COL8A1: variants seen among roughly 807,000 people sequenced by gnomAD.
The protein encoded by COL8A1 is collagen alpha-1(VIII) chain.
A neutral mutation model predicts 42.7 loss-of-function variants in COL8A1; 21 were observed. The observed-to-expected ratio is 0.49, with a 90% confidence interval of 0.35 to 0.71. The LOEUF (loss-of-function observed/expected upper bound fraction) is 0.71. Among genes scored for constraint, COL8A1 ranks in the 30% least tolerant of loss-of-function variants. COL8A1 has a pLI of 0.01. For synonymous variants in COL8A1, 367 were observed against 369.1 expected, an observed-to-expected ratio of 0.99 and a Z score of 0.06; for missense variants, 788 against 962.4, an observed-to-expected ratio of 0.82 and a Z score of 2.40.
chr3:99,730,960 T>C (rs893494084), intron 1 of COL8A1, among the ~76,000 whole-genome samples: 4 of 152,116 alleles, frequency 2.6e-5, no homozygotes, highest in African/African-American at 9.7e-5. Context: ...GACGTTTCTT[T>C]TGTAGTGCTA....
intron 2 of COL8A1, among the ~76,000 whole-genome samples, chr3:99,758,685 AC>A (rs1941307298): frequency 6.6e-6 from 1 of 152,182 alleles, no homozygotes; most frequent in Admixed American, 6.6e-5. Flanking sequence ...AAGACTGGGA[AC>A]CAGGAAGGCA....
intron 1 of COL8A1, among the ~76,000 whole-genome samples, chr3:99,734,317 A>G (rs376237924): frequency 8.4e-4 from 104 of 124,448 alleles, no homozygotes; most frequent in African/African-American, 1.8e-3. Flanking sequence ...ATCTTGAATT[A>G]ATTTTTGTAT....
chr3:99,735,684 T>A (rs1393507418), intron 1 of COL8A1, among the ~76,000 whole-genome samples: 1 of 150,350 alleles, frequency 6.7e-6, no homozygotes, highest in African/African-American at 2.4e-5. Flanking sequence ...TTAGGGAGGA[T>A]TCCCTCTTTT....
At chr3:99,726,785 A>C (rs553290876) in intron 1 of COL8A1, among the ~76,000 whole-genome samples, 1 of 152,092 alleles carries the variant, frequency 6.6e-6, no homozygotes, top group Admixed American at 6.5e-5. Context: ...CTGTTTTGGT[A>C]CCAGTACCAT....
intron 1 of COL8A1, among the ~76,000 whole-genome samples, chr3:99,646,174 G>A (rs1026190987): frequency 3.9e-5 from 6 of 152,082 alleles, no homozygotes; most frequent in Non-Finnish European, 2.9e-5. Context: ...TGAGACACTT[G>A]CATAATTCAG....
rs150875551 is a variant in COL8A1 at position 99,695,756 on chromosome 3, G to A, written c.-128-49141G>A. 2.9e-3 allele frequency among the ~76,000 whole-genome samples: 445 copies of A among 152,290 alleles called. 13 individuals carry two copies. The highest frequency in any genetic ancestry group is 0.026 in the Admixed American group (398 of 15,302). ...CACAAAATATAGGCTCTGTAGAGCA[G>A]GAACCAAAGGTTTTGTTCCTCGTTA... On this transcript the variant is annotated intron_variant, in intron 1 of 3. Transcript: ENST00000652472.
chr3:99,690,190 G>A (rs1939177633), intron 1 of COL8A1, among the ~76,000 whole-genome samples: 1 of 152,130 alleles, frequency 6.6e-6, no homozygotes, highest in Non-Finnish European at 1.5e-5. Flanking sequence ...AAGATCTGTG[G>A]TCAAATAGGA....
At chr3:99,781,698 C>A (rs1408784822) in intron 2 of COL8A1, among the ~76,000 whole-genome samples, 1 of 152,090 alleles carries the variant, frequency 6.6e-6, no homozygotes, top group Non-Finnish European at 1.5e-5. Context: ...CATGTACTAG[C>A]ACATGAACAG....
chr3:99,701,339 A>G (rs1300442756), intron 1 of COL8A1, among the ~76,000 whole-genome samples: 2 of 152,232 alleles, frequency 1.3e-5, no homozygotes, highest in Non-Finnish European at 2.9e-5. Context: ...GGTGCTAACT[A>G]GAGCCAAACA....
At chr3:99,754,432 G>T (rs1264070905) in intron 2 of COL8A1, among the ~76,000 whole-genome samples, 1 of 146,160 alleles carries the variant, frequency 6.8e-6, no homozygotes, top group Non-Finnish European at 1.5e-5. Context: ...TAACTATACT[G>T]TTTTTTTTTT....
intron 2 of COL8A1, among the ~76,000 whole-genome samples, chr3:99,773,084 T>C (rs1270173842): frequency 6.6e-6 from 1 of 152,208 alleles, no homozygotes; most frequent in Non-Finnish European, 1.5e-5. Flanking sequence ...CTCCCAGGGT[T>C]ACTGGGATTG....
At chr3:99,717,388 TG>T (rs1940027603) in intron 1 of COL8A1, among the ~76,000 whole-genome samples, 2 of 151,968 alleles carry the variant, frequency 1.3e-5, no homozygotes, top group East Asian at 3.9e-4. Flanking sequence ...ATGTTTGGAG[TG>T]TTCATGGCCC....
chr3:99,736,000 C>A (rs1223402387), intron 1 of COL8A1, among the ~76,000 whole-genome samples: 1 of 150,130 alleles, frequency 6.7e-6, no homozygotes, highest in Non-Finnish European at 1.5e-5. Context: ...TGGTGATATC[C>A]CCTTTATCAT....
At chr3:99,767,147 T>C (rs1941480327) in intron 2 of COL8A1, among the ~76,000 whole-genome samples, 1 of 152,238 alleles carries the variant, frequency 6.6e-6, no homozygotes, top group East Asian at 1.9e-4. Flanking sequence ...GGTTCATCTT[T>C]TCCCTATGAG....
intron 2 of COL8A1, among the ~76,000 whole-genome samples, chr3:99,784,565 G>A (rs1941856151): frequency 6.6e-6 from 1 of 152,194 alleles, no homozygotes; most frequent in African/African-American, 2.4e-5. Context: ...TATACAGCAT[G>A]TTACTGTACT....
intron 1 of COL8A1, among the ~76,000 whole-genome samples, chr3:99,676,935 A>G (rs1311618369): frequency 6.6e-6 from 1 of 151,868 alleles, no homozygotes; most frequent in Non-Finnish European, 1.5e-5. Context: ...CATCAATTTT[A>G]TGCTGGGTGC....
At chr3:99,675,157 A>G (rs1938656040) in intron 1 of COL8A1, among the ~76,000 whole-genome samples, 2 of 151,346 alleles carry the variant, frequency 1.3e-5, no homozygotes, top group Non-Finnish European at 1.5e-5. Context: ...ACATAGCTCC[A>G]TGTGAAGCTT....
intron 1 of COL8A1, among the ~76,000 whole-genome samples, chr3:99,652,201 G>T (rs1214427031): frequency 6.6e-6 from 1 of 152,164 alleles, no homozygotes; most frequent in African/African-American, 2.4e-5. Flanking sequence ...AAGTACACTG[G>T]AGATGTTTAG....
At chr3:99,752,223 C>T (rs1426203233) in intron 2 of COL8A1, among the ~76,000 whole-genome samples, 1 of 152,066 alleles carries the variant, frequency 6.6e-6, no homozygotes, top group East Asian at 1.9e-4. Flanking sequence ...ACAGTGTGGA[C>T]ATGTTCATTG....
Sources: gnomAD v4.1 joint callset for allele counts (sites outside exome capture counted in the v4.1 genomes callset) on GRCh38, gnomAD v4.1.1 for gene constraint, MANE v1.5 for transcripts, NCBI Gene and HGNC (gene_info 2026-07-23, HGNC 2026-07-21) for gene names.